HTR1E: variants seen among roughly 807,000 people sequenced by gnomAD.
The protein encoded by HTR1E is 5-HT-1E.
Under a neutral mutation model 3.4 loss-of-function variants are expected in HTR1E, and 3 were observed. The ratio of observed to expected loss-of-function variants is 0.89; its 90% CI spans 0.41 to 2.31. The LOEUF (loss-of-function observed/expected upper bound fraction) is 2.31, where lower values mean the gene tolerates loss of function less well. Among genes scored for constraint, HTR1E ranks in the 30% most tolerant of loss-of-function variants. The pLI is 0.05. For missense variants in HTR1E, 392 were observed against 467.0 expected, an observed-to-expected ratio of 0.84 and a Z score of 1.48; for synonymous variants, 170 against 182.8, an observed-to-expected ratio of 0.93 and a Z score of 0.56.
At chr6:86,993,333 G>GT (rs1767895450) in intron 1 of HTR1E, among the ~76,000 whole-genome samples, 1 of 152,072 alleles carries the variant, frequency 6.6e-6, no homozygotes, top group Non-Finnish European at 1.5e-5. Flanking sequence ...GAATGGTGGG[G>GT]TTTTATAACC....
At chr6:86,949,006 C>G (rs956463956) in intron 1 of HTR1E, among the ~76,000 whole-genome samples, 1 of 152,228 alleles carries the variant, frequency 6.6e-6, no homozygotes, top group Non-Finnish European at 1.5e-5. Context: ...ACACTTGACA[C>G]TGAAGTTTCA....
intron 1 of HTR1E, among the ~76,000 whole-genome samples, chr6:86,975,673 A>G (rs1388235180): frequency 6.6e-6 from 1 of 152,076 alleles, no homozygotes; most frequent in Non-Finnish European, 1.5e-5. Flanking sequence ...AAAATTTTTT[A>G]GTTAAAGAAA....
In HTR1E at chr6:87,009,672, C is replaced by T. The variant is rs1209507608; in HGVS notation, c.-185-5478C>T. Among the ~76,000 whole-genome samples, 93 of 144,984 alleles carry T rather than the reference C, an allele frequency of 6.4e-4. 1 individual carries two copies. The highest frequency in any genetic ancestry group is 9.9e-4 in the African/African-American group (38 of 38,562). On this transcript the variant is annotated intron_variant, in intron 1 of 1. Transcript: ENST00000305344. ...GGCGCCCCTCACCTCCCGGACGGGG[C>T]GGCTGGCCGGGCGGGGGGCCGACCC...
intron 1 of HTR1E, among the ~76,000 whole-genome samples, chr6:86,971,850 C>T (rs1458649660): frequency 6.6e-6 from 1 of 152,086 alleles, no homozygotes; most frequent in Non-Finnish European, 1.5e-5. Flanking sequence ...CTATTACTTC[C>T]ATCTTTGTAT....
At chr6:86,985,380 A>C (rs1295120031) in intron 1 of HTR1E, among the ~76,000 whole-genome samples, 3 of 152,206 alleles carry the variant, frequency 2.0e-5, no homozygotes, top group Non-Finnish European at 4.4e-5. Flanking sequence ...ATTTCTTTAT[A>C]CTTATGATTA....
At chr6:86,944,921 G>A (rs942598113) in intron 1 of HTR1E, among the ~76,000 whole-genome samples, 1 of 149,332 alleles carries the variant, frequency 6.7e-6, no homozygotes, top group Admixed American at 6.7e-5. Context: ...ATACAATTAT[G>A]TATAGTATAT....
chr6:86,955,897 A>G (rs548419734), intron 1 of HTR1E, among the ~76,000 whole-genome samples: 2 of 152,038 alleles, frequency 1.3e-5, no homozygotes, highest in African/African-American at 2.4e-5. Context: ...GACCCCCCCA[A>G]CCAATTGACT....
chr6:86,980,105 C>T (rs1256306885), intron 1 of HTR1E, among the ~76,000 whole-genome samples: 3 of 152,000 alleles, frequency 2.0e-5, no homozygotes, highest in East Asian at 1.9e-4. Context: ...AAAACAGGGT[C>T]GGCCAGGCGC....
Position 87,016,056 on chromosome 6 carries a change from C to T in HTR1E, c.722C>T (p.Thr241Ile). The T allele has an allele frequency of 1.9e-6, 3 of 1,614,214 alleles. No homozygotes were observed. The highest frequency in any genetic ancestry group is 2.5e-6 in the Non-Finnish European group (3 of 1,180,042). The change falls in exon 2 of 2, where the codon ACT becomes ATT. Residue 241 changes from threonine to isoleucine, a missense_variant. This residue lies in a region of HTR1E where 178 missense variants were observed against 164.9 expected (regional missense o/e 1.08). Coordinates refer to ENST00000305344, the MANE Select transcript of HTR1E (RefSeq NM_000865.3). Reference sequence around the variant, plus strand: ...TTTGCAAGTTGTAAACTTACACAGACTTTCTGTGTGTCTGACTTCTCCACC... The same window carrying T: ...TTTGCAAGTTGTAAACTTACACAGATTTTCTGTGTGTCTGACTTCTCCACC... The part of the protein sequence containing the change: ...NSFASCKLTQ[T>I]FCVSDFSTSD...
chr6:86,963,150 C>T lies in HTR1E; in HGVS notation c.-186+25327C>T, dbSNP rs141881981. On this transcript the variant is annotated intron_variant, in intron 1 of 1. Coordinates refer to ENST00000305344, the MANE Select transcript of HTR1E (RefSeq NM_000865.3). ...AGACAGTGATATTGATCATTCTGAC[C>T]TTGTGTAGTCCAAGGCTAATGTGTA... Among the ~76,000 whole-genome samples, 278 of 152,160 alleles carry T rather than the reference C, an allele frequency of 1.8e-3. 2 individuals are homozygous for T. Among genetic ancestry groups the T allele is most frequent in the Middle Eastern group, 0.01 (3 of 294 alleles).
Position 86,995,971 on chromosome 6 carries a change from C to T in HTR1E, c.-185-19179C>T, listed in dbSNP as rs528344596. ...TAAACAAAATAGCACCTGCAAAATACGTGAAGCAAAATTTAACAGAACTGC... is the reference window on the plus strand; with the variant it reads ...TAAACAAAATAGCACCTGCAAAATATGTGAAGCAAAATTTAACAGAACTGC... On this transcript the variant is annotated intron_variant, in intron 1 of 1. Transcript: ENST00000305344. Among the ~76,000 whole-genome samples, 4 of 151,680 alleles carry T rather than the reference C, an allele frequency of 2.6e-5. No homozygotes were observed. The South Asian group carries it at 8.4e-4, about 32-fold the overall frequency.
At chr6:86,947,691 T>A (rs1767141029) in intron 1 of HTR1E, among the ~76,000 whole-genome samples, 1 of 152,210 alleles carries the variant, frequency 6.6e-6, no homozygotes, top group Non-Finnish European at 1.5e-5. Flanking sequence ...GTGTTCTGCT[T>A]TCTCTAATTA....
At chr6:86,994,317 C>T (rs532012318) in intron 1 of HTR1E, among the ~76,000 whole-genome samples, 9 of 152,132 alleles carry the variant, frequency 5.9e-5, no homozygotes, top group East Asian at 1.9e-4. Flanking sequence ...AAAAAAATCA[C>T]ACCAGACATA....
intron 1 of HTR1E, among the ~76,000 whole-genome samples, chr6:87,009,721 C>T (rs1457062334): frequency 9.5e-5 from 13 of 137,500 alleles, no homozygotes; most frequent in Non-Finnish European, 1.1e-4. Flanking sequence ...CCGGACAGGG[C>T]GGCTGGCCGG....
intron 1 of HTR1E, among the ~76,000 whole-genome samples, chr6:86,940,695 C>T (rs1010643772): frequency 3.9e-5 from 6 of 152,128 alleles, no homozygotes; most frequent in Middle Eastern, 3.2e-3. Flanking sequence ...ATTGCCCACC[C>T]TGGAATTCTA....
At chr6:86,976,710 A>G (rs1767644319) in intron 1 of HTR1E, among the ~76,000 whole-genome samples, 2 of 152,246 alleles carry the variant, frequency 1.3e-5, no homozygotes, top group Non-Finnish European at 2.9e-5. Context: ...ACATTTCATC[A>G]CGTCAATGTG....
chr6:86,996,450 A>G lies in HTR1E; in HGVS notation c.-185-18700A>G, dbSNP rs1767940811. On this transcript the variant is annotated intron_variant, in intron 1 of 1. Coordinates refer to ENST00000305344, the MANE Select transcript of HTR1E (RefSeq NM_000865.3). ...GGTTGTTTTTCTTTAAAAGATCAAT[A>G]AAATTGACAAACCTTATAACTGACA... 2.0e-5 allele frequency among the ~76,000 whole-genome samples: 3 copies of G among 151,350 alleles called. No individual in the cohort carries two copies. In the Admixed American group the frequency reaches 2.0e-4, roughly 10 times the overall value.
intron 1 of HTR1E, among the ~76,000 whole-genome samples, chr6:86,978,095 C>T (rs569812760): frequency 4.5e-4 from 69 of 152,286 alleles, no homozygotes; most frequent in South Asian, 1.9e-3. Flanking sequence ...GTAAATCATT[C>T]TATATGCTTC....
intron 1 of HTR1E, among the ~76,000 whole-genome samples, chr6:87,010,909 AATTT>A (rs1204477905): frequency 1.3e-5 from 2 of 152,190 alleles, no homozygotes; most frequent in African/African-American, 2.4e-5. Flanking sequence ...CCTTGTCTGC[AATTT>A]ATTTAAGAAA....
Sources: gnomAD v4.1 joint callset for allele counts (sites outside exome capture counted in the v4.1 genomes callset) on GRCh38, gnomAD v4.1.1 for gene constraint, gnomAD v4.1.1 regional missense constraint, MANE v1.5 for transcripts, NCBI Gene and HGNC (gene_info 2026-07-23, HGNC 2026-07-21) for gene names.